Variants in NAV1 observed in about 807,000 individuals in gnomAD.
The protein encoded by NAV1 is neuron navigator 1.
NAV1 carries 18 observed loss-of-function variants against 175.2 expected under a neutral mutation model. That is an observed-to-expected ratio of 0.10 (90% CI 0.07 to 0.15). The LOEUF (loss-of-function observed/expected upper bound fraction) is 0.15. Among genes scored for constraint, NAV1 ranks in the 10% least tolerant of loss-of-function variants. NAV1 has a pLI of 1.00. For synonymous variants in NAV1, 897 were observed against 978.7 expected, an observed-to-expected ratio of 0.92 and a Z score of 1.56; for missense variants, 1,731 against 2,436.6, an observed-to-expected ratio of 0.71 and a Z score of 6.10.
intron 2 of NAV1, among the ~76,000 whole-genome samples, chr1:201,630,469 T>C (rs949310084): frequency 6.6e-6 from 1 of 152,232 alleles, no homozygotes; most frequent in Admixed American, 6.5e-5. Context: ...GACAGGATGG[T>C]ATACTGCTTC....
chr1:201,698,975 A>G (rs1046916748), intron 1 of NAV1, among the ~76,000 whole-genome samples: 1 of 152,244 alleles, frequency 6.6e-6, no homozygotes, highest in Non-Finnish European at 1.5e-5. Context: ...TGTAAAATGA[A>G]CTTGAAAGTG....
chr1:201,555,815 G>T (rs112573203), intron 1 of NAV1, among the ~76,000 whole-genome samples: 1,992 of 140,882 alleles, frequency 0.014, 21 homozygotes, highest in Middle Eastern at 0.033. Flanking sequence ...GGATTCGGGA[G>T]CCAGATGGGT....
intron 1 of NAV1, among the ~76,000 whole-genome samples, chr1:201,625,690 T>G (rs1252450517): frequency 2.0e-5 from 3 of 152,244 alleles, no homozygotes; most frequent in African/African-American, 7.2e-5. Context: ...GTTTCCCTGG[T>G]GACTCTTTGA....
At chr1:201,706,259 G>T (rs1449871214) in intron 1 of NAV1, among the ~76,000 whole-genome samples, 2 of 145,396 alleles carry the variant, frequency 1.4e-5, no homozygotes, top group Non-Finnish European at 2.9e-5. Flanking sequence ...GAAGGGGTGT[G>T]TGTGTGTGTG....
At chr1:201,544,268 A>G (rs1665603866) in intron 1 of NAV1, among the ~76,000 whole-genome samples, 1 of 152,200 alleles carries the variant, frequency 6.6e-6, no homozygotes, top group South Asian at 2.1e-4. Context: ...GAACTACTCA[A>G]TGGTTGAGCT....
chr1:201,604,692 A>G (rs114931673), intron 2 of NAV1, among the ~76,000 whole-genome samples: 2,530 of 150,270 alleles, frequency 0.017, 74 homozygotes, highest in African/African-American at 0.058. Flanking sequence ...AAAAAAAAAA[A>G]AAGAAGAAGA....
intron 1 of NAV1, among the ~76,000 whole-genome samples, chr1:201,580,428 G>A (rs1217246147): frequency 6.6e-6 from 1 of 152,178 alleles, no homozygotes; most frequent in Non-Finnish European, 1.5e-5. Context: ...GGTTCTCAAA[G>A]AGTTCAAAGC....
chr1:201,605,010 C>G (rs1209194001), intron 2 of NAV1, among the ~76,000 whole-genome samples: 1 of 152,130 alleles, frequency 6.6e-6, no homozygotes, highest in African/African-American at 2.4e-5. Flanking sequence ...AATGTAAACA[C>G]AGCTATGCAA....
At chr1:201,734,476 G>GAAGAA (rs1263663905) in intron 3 of NAV1, among the ~76,000 whole-genome samples, 1 of 72,526 alleles carries the variant, frequency 1.4e-5, no homozygotes, top group African/African-American at 4.8e-5. Flanking sequence ...AGGAAGAGGA[G>GAAGAA]GAGGAGGAGG....
chr1:201,784,958 C>T (rs767082986), intron 7 of NAV1, among the ~76,000 whole-genome samples: 1 of 152,018 alleles, frequency 6.6e-6, no homozygotes, highest in Non-Finnish European at 1.5e-5. Flanking sequence ...TTAGTAGAGA[C>T]GAGGTTTCAC....
At chr1:201,727,096 G>A (rs1275246424) in intron 3 of NAV1, among the ~76,000 whole-genome samples, 2 of 152,150 alleles carry the variant, frequency 1.3e-5, no homozygotes, top group Non-Finnish European at 1.5e-5. Flanking sequence ...AGATTAATGT[G>A]AGGATTAAAT....
chr1:201,714,763 A>T (rs553784344), intron 2 of NAV1, among the ~76,000 whole-genome samples: 1 of 152,254 alleles, frequency 6.6e-6, no homozygotes, highest in South Asian at 2.1e-4. Context: ...AGACACCAGA[A>T]AGTGCTTAGT....
chr1:201,725,847 A>C (rs1158590980), intron 3 of NAV1, among the ~76,000 whole-genome samples: 1 of 151,948 alleles, frequency 6.6e-6, no homozygotes, highest in Non-Finnish European at 1.5e-5. Flanking sequence ...GGTCCCAGCT[A>C]CTCAGGAGGC....
intron 29 of NAV1, among the ~76,000 whole-genome samples, chr1:201,818,825 C>T (rs1679221884): frequency 6.6e-6 from 1 of 152,180 alleles, no homozygotes; most frequent in African/African-American, 2.4e-5. Flanking sequence ...GAAATTCTTC[C>T]AATAATCATA....
chr1:201,602,673 T>TG (rs1001508713), intron 2 of NAV1, among the ~76,000 whole-genome samples: 4 of 149,338 alleles, frequency 2.7e-5, no homozygotes, highest in Non-Finnish European at 6.0e-5. Flanking sequence ...TTTGGTTTTT[T>TG]TTTTACCATG....
chr1:201,781,532 G>C (rs140443996), intron 5 of NAV1, among the ~76,000 whole-genome samples: 24 of 152,280 alleles, frequency 1.6e-4, no homozygotes, highest in East Asian at 1.2e-3. Context: ...GAGATTAAGT[G>C]GCTGGGCCAA....
chr1:201,794,035 C>T, intron 14 of NAV1, 160 bp downstream of exon 18: 2 of 720,162 alleles, frequency 2.8e-6, no homozygotes, highest in Admixed American at 2.0e-5. Flanking sequence ...ACAGTGTGAG[C>T]ATATTCCTTA....
At position 201,696,886 on chromosome 1, in the gene NAV1, C is replaced by T. The variant is rs376096480; in HGVS notation, c.758-15931C>T. 5.3e-4 allele frequency among the ~76,000 whole-genome samples: 80 copies of T among 152,306 alleles called. No homozygotes were observed. In the South Asian group the frequency reaches 0.014, roughly 26 times the overall value. On this transcript the variant is annotated intron_variant, in intron 1 of 29. Coordinates refer to ENST00000367296, the Ensembl canonical transcript of NAV1. The stretch of plus-strand genomic sequence containing the variant: ...GCATTGCAAGGACAGAATACATATT[C>T]GTGTTTCGCACCATGCCTGGCGCAC...
In NAV1 at chr1:201,552,816, C is replaced by A. The variant is rs143674628; in HGVS notation, c.-144+13474C>A. Among the ~76,000 whole-genome samples the A allele has an allele frequency of 3.8e-4, 58 of 152,304 alleles. No individual in the cohort carries two copies. The East Asian group carries it at 0.01, about 27-fold the overall frequency. On this transcript the variant is annotated intron_variant, in intron 1 of 33. Coordinates refer to the NAV1 transcript ENST00000685211. ...TCAAGGATGCCTCATTTAGCCCCAGCCATGCAGACTATACTTCGGGGTAGA... is the reference window on the plus strand; with the variant it reads ...TCAAGGATGCCTCATTTAGCCCCAGACATGCAGACTATACTTCGGGGTAGA...
Sources: gnomAD v4.1 joint callset for allele counts (sites outside exome capture counted in the v4.1 genomes callset) on GRCh38, gnomAD v4.1.1 for gene constraint, MANE v1.5 for transcripts, NCBI Gene and HGNC (gene_info 2026-07-23, HGNC 2026-07-21) for gene names.